The following GRIA4 variants were observed in gnomAD, a reference collection of about 807,000 sequenced individuals.
GRIA4 encodes the protein glutamate receptor 4.
In GRIA4, 34 loss-of-function variants were observed where a neutral mutation model predicts 104.0. The ratio of observed to expected loss-of-function variants is 0.33; its 90% CI spans 0.25 to 0.44. GRIA4 has a LOEUF of 0.44. Among genes scored for constraint, GRIA4 ranks in the 20% least tolerant of loss-of-function variants. The probability of loss-of-function intolerance (pLI) is 1.00; values close to 1 mark genes in which losing one functional copy is unlikely to be tolerated. For synonymous variants in GRIA4, 386 were observed against 381.9 expected (o/e 1.01, Z -0.13); for missense variants, 750 against 1,096.5 (o/e 0.68, Z 4.46).
chr11:105,890,101 G>C (rs1405927635), intron 6 of GRIA4, among the ~76,000 whole-genome samples: 2 of 152,082 alleles, frequency 1.3e-5, no homozygotes, highest in Non-Finnish European at 2.9e-5. Context: ...CAGAAGGTAT[G>C]AAGTCCAACT....
rs182041496 is a variant in GRIA4 at position 105,861,187 on chromosome 11, C to A, written c.488-837C>A. On this transcript the variant is annotated intron_variant, in intron 4 of 16. Coordinates refer to ENST00000282499, the MANE Select transcript of GRIA4 (RefSeq NM_000829.4). ...ATTCTCTCATGGCAGGCTGTCTTCA[C>A]GTAATAAACACCCCCACCTGCATCA... Among the ~76,000 whole-genome samples the A allele has an allele frequency of 1.2e-3, 179 of 152,176 alleles. 1 individual carries two copies. The highest frequency in any genetic ancestry group is 4.1e-3 in the African/African-American group (169 of 41,512).
chr11:105,840,708 A>G (rs1322934570), intron 4 of GRIA4, among the ~76,000 whole-genome samples: 1 of 152,182 alleles, frequency 6.6e-6, no homozygotes, highest in Non-Finnish European at 1.5e-5. Context: ...TTTAACTTTT[A>G]TTAAACTTAA....
chr11:105,798,391 GCTT>G (rs1159941674), intron 4 of GRIA4, among the ~76,000 whole-genome samples: 2 of 152,108 alleles, frequency 1.3e-5, no homozygotes, highest in Non-Finnish European at 2.9e-5. Context: ...TGAGCAAGCA[GCTT>G]CTTTACAGTG....
intron 4 of GRIA4, among the ~76,000 whole-genome samples, chr11:105,806,060 G>C (rs2135853476): frequency 6.6e-6 from 1 of 151,822 alleles, no homozygotes; most frequent in South Asian, 2.1e-4. Flanking sequence ...TTTTTTTCTT[G>C]TTCTCTTTAG....
intron 4 of GRIA4, among the ~76,000 whole-genome samples, chr11:105,772,566 A>G (rs1183754847): frequency 6.6e-6 from 1 of 152,118 alleles, no homozygotes; most frequent in Admixed American, 6.6e-5. Flanking sequence ...GGAGGGAGTT[A>G]AAAGTCATAC....
At chr11:105,648,576 T>A (rs1230949222) in intron 3 of GRIA4, among the ~76,000 whole-genome samples, 2 of 150,726 alleles carry the variant, frequency 1.3e-5, no homozygotes, top group East Asian at 3.9e-4. Context: ...TGCAAAGATA[T>A]TAATAAATGC....
chr11:105,695,876 A>T (rs1822993), intron 3 of GRIA4, among the ~76,000 whole-genome samples: 2 of 151,852 alleles, frequency 1.3e-5, no homozygotes, highest in Non-Finnish European at 2.9e-5. Context: ...CTAAACACAT[A>T]AAATATTGTA....
intron 4 of GRIA4, among the ~76,000 whole-genome samples, chr11:105,846,490 T>C (rs561725345): frequency 1.3e-5 from 2 of 152,268 alleles, no homozygotes; most frequent in Non-Finnish European, 2.9e-5. Flanking sequence ...TAATTACATA[T>C]ATGTAATTCA....
At chr11:105,863,779 A>G (rs947870152) in intron 5 of GRIA4, among the ~76,000 whole-genome samples, 10 of 152,146 alleles carry the variant, frequency 6.6e-5, no homozygotes, top group African/African-American at 2.2e-4. Flanking sequence ...AAGACCCTCC[A>G]CTTAGCACCT....
At chr11:105,819,954 G>C (rs1943519082) in intron 4 of GRIA4, among the ~76,000 whole-genome samples, 1 of 152,060 alleles carries the variant, frequency 6.6e-6, no homozygotes, top group African/African-American at 2.4e-5. Flanking sequence ...GTTATGTGAA[G>C]ATGGAGATAC....
intron 4 of GRIA4, among the ~76,000 whole-genome samples, chr11:105,829,981 T>C (rs909351415): frequency 7.2e-5 from 11 of 151,934 alleles, no homozygotes; most frequent in Non-Finnish European, 1.6e-4. Flanking sequence ...AACAGACTGA[T>C]AGACCTGGCT....
At chr11:105,974,818 T>C in intron 16 of GRIA4, 1 of 283,562 alleles carries the variant, frequency 3.5e-6, no homozygotes, top group Non-Finnish European at 6.7e-6. Context: ...AACAGTATAT[T>C]CTACCTGAAA....
At chr11:105,717,953 G>C (rs1293378722) in intron 3 of GRIA4, among the ~76,000 whole-genome samples, 2 of 146,376 alleles carry the variant, frequency 1.4e-5, no homozygotes, top group African/African-American at 5.1e-5. Flanking sequence ...GATGAAATTG[G>C]AAATCATCAT....
chr11:105,834,002 T>C (rs1355026345), intron 4 of GRIA4, among the ~76,000 whole-genome samples: 1 of 152,068 alleles, frequency 6.6e-6, no homozygotes, highest in East Asian at 1.9e-4. Flanking sequence ...CATTTACTGA[T>C]TATTTGGATT....
chr11:105,672,320 A>C (rs1952400881), intron 3 of GRIA4, among the ~76,000 whole-genome samples: 1 of 152,130 alleles, frequency 6.6e-6, no homozygotes, highest in Non-Finnish European at 1.5e-5. Context: ...AAGATCAAAC[A>C]AGTATTCTCT....
chr11:105,892,430 T>TA (rs1283797013), intron 6 of GRIA4, among the ~76,000 whole-genome samples: 1 of 152,040 alleles, frequency 6.6e-6, no homozygotes, highest in Non-Finnish European at 1.5e-5. Context: ...GATATATAAT[T>TA]AAAGATGAAC....
intron 3 of GRIA4, among the ~76,000 whole-genome samples, chr11:105,738,791 G>A (rs1348792987): frequency 1.3e-5 from 2 of 151,872 alleles, no homozygotes; most frequent in Non-Finnish European, 2.9e-5. Flanking sequence ...TATAGATGAT[G>A]AATCAAACGT....
intron 6 of GRIA4, among the ~76,000 whole-genome samples, chr11:105,895,266 T>TGTGTGC (rs1946612300): frequency 6.6e-6 from 1 of 151,622 alleles, no homozygotes; most frequent in African/African-American, 2.4e-5. Flanking sequence ...TGTGTGTGTG[T>TGTGTGC]GTGTGTGTGT....
rs148570205 is a variant in GRIA4, at chr11:105,784,804, C to A, written c.487+31584C>A. Among the ~76,000 whole-genome samples the A allele has an allele frequency of 3.7e-4, 56 of 152,134 alleles. No homozygotes were observed. In the East Asian group the frequency reaches 0.011, roughly 29 times the overall value. ...GTTGTAAGAAAGGGACCTGTTAAAG[C>A]AAAACATAACCCTTTTGCAAAGAAA... is the stretch of plus-strand genomic sequence containing the variant. On this transcript the variant is annotated intron_variant, in intron 4 of 16. Transcript: ENST00000282499.
Sources: gnomAD v4.1 joint callset for allele counts (sites outside exome capture counted in the v4.1 genomes callset) on GRCh38, gnomAD v4.1.1 for gene constraint, MANE v1.5 for transcripts, NCBI Gene and HGNC (gene_info 2026-07-23, HGNC 2026-07-21) for gene names.